The following BMPER variants were observed in gnomAD, a reference collection of about 807,000 sequenced individuals.
BMPER encodes BMP binding endothelial regulator.
A neutral mutation model predicts 87.3 loss-of-function variants in BMPER; 45 were observed. That is an observed-to-expected ratio of 0.52 (90% CI 0.41 to 0.66). The LOEUF (loss-of-function observed/expected upper bound fraction) is 0.66. Ranked by LOEUF, BMPER falls within the 30% of genes least tolerant of loss-of-function variation. BMPER has a pLI of 0.00. For synonymous variants in BMPER, 326 were observed against 316.2 expected (o/e 1.03, Z -0.33); for missense variants, 784 against 867.5 (o/e 0.90, Z 1.21).
At chr7:34,014,940 C>T (rs1786980186) in intron 6 of BMPER, among the ~76,000 whole-genome samples, 1 of 151,718 alleles carries the variant, frequency 6.6e-6, no homozygotes, top group Non-Finnish European at 1.5e-5. Flanking sequence ...GTTTTCTTAC[C>T]TGTAATATGC....
At chr7:34,059,742 T>TG (rs1249978101) in intron 10 of BMPER, among the ~76,000 whole-genome samples, 1 of 136,860 alleles carries the variant, frequency 7.3e-6, no homozygotes, top group Non-Finnish European at 1.6e-5. Flanking sequence ...GGGGAAATTT[T>TG]GGAAAAAAAA....
chr7:34,138,433 G>A (rs891526860), intron 13 of BMPER, among the ~76,000 whole-genome samples: 2 of 152,140 alleles, frequency 1.3e-5, no homozygotes, highest in Non-Finnish European at 2.9e-5. Context: ...GTGACAAAGC[G>A]CTGCCCAGCC....
intron 6 of BMPER, among the ~76,000 whole-genome samples, chr7:34,027,595 A>G (rs1327563943): frequency 2.6e-5 from 4 of 152,056 alleles, no homozygotes; most frequent in Non-Finnish European, 5.9e-5. Flanking sequence ...CCCAACCGCT[A>G]TTTTCATGGA....
Position 33,938,178 on chromosome 7 carries a change from A to G in BMPER, c.319+790A>G, listed in dbSNP as rs115751260. On this transcript the variant is annotated intron_variant, in intron 3 of 14. Coordinates refer to ENST00000649409, the MANE Select transcript of BMPER (RefSeq NM_001365308.1). The stretch of plus-strand genomic sequence containing the variant: ...GGGATTTCACACCGTGTATGTGTCA[A>G]TAGCGCTTCACAGTGTGGGGCCATG... Among the ~76,000 whole-genome samples the G allele has an allele frequency of 5.3e-3, 800 of 152,258 alleles. 6 individuals carry two copies. The highest frequency in any genetic ancestry group is 0.017 in the African/African-American group (695 of 41,538).
intron 6 of BMPER, among the ~76,000 whole-genome samples, chr7:34,019,024 C>G (rs1787111198): frequency 6.6e-6 from 1 of 151,850 alleles, no homozygotes; most frequent in South Asian, 2.1e-4. Flanking sequence ...CTGCAAGTTT[C>G]CAAAGGACTG....
At chr7:34,145,916 T>C (rs2127995405) in intron 14 of BMPER, among the ~76,000 whole-genome samples, 1 of 152,292 alleles carries the variant, frequency 6.6e-6, no homozygotes, top group Middle Eastern at 3.4e-3. Flanking sequence ...AAAAGGAATA[T>C]GGCTCCTGAA....
At chr7:33,960,850 A>G (rs962502913) in intron 3 of BMPER, among the ~76,000 whole-genome samples, 6 of 152,188 alleles carry the variant, frequency 3.9e-5, no homozygotes, top group Non-Finnish European at 8.8e-5. Context: ...TTTTTTACCA[A>G]TGAAATTAAG....
intron 6 of BMPER, among the ~76,000 whole-genome samples, chr7:34,031,404 A>T (rs1172028970): frequency 1.3e-5 from 2 of 152,146 alleles, no homozygotes; most frequent in Admixed American, 6.6e-5. Context: ...TGTTGAACTT[A>T]TATAAATATA....
chr7:33,965,555 C>T (rs936683285), intron 3 of BMPER, among the ~76,000 whole-genome samples: 12 of 152,190 alleles, frequency 7.9e-5, no homozygotes, highest in African/African-American at 2.9e-4. Flanking sequence ...TGCATTATCA[C>T]ATGTGTGTGT....
At chr7:33,986,574 T>G (rs1182022054) in intron 6 of BMPER, among the ~76,000 whole-genome samples, 2 of 152,140 alleles carry the variant, frequency 1.3e-5, no homozygotes, top group Non-Finnish European at 2.9e-5. Context: ...ACATGAAAGA[T>G]TCATGATAAA....
chr7:33,922,658 C>T (rs1391666298), intron 2 of BMPER, among the ~76,000 whole-genome samples: 1 of 152,134 alleles, frequency 6.6e-6, no homozygotes, highest in Non-Finnish European at 1.5e-5. Flanking sequence ...CTTGGACACC[C>T]CTCAGTGTGC....
intron 7 of BMPER, among the ~76,000 whole-genome samples, chr7:34,049,047 T>A: frequency 6.6e-6 from 1 of 152,182 alleles, no homozygotes; most frequent in African/African-American, 2.4e-5. Context: ...GATTGGGTGC[T>A]GTTTTGCTCT....
intron 3 of BMPER, among the ~76,000 whole-genome samples, chr7:33,943,701 A>G (rs1165634621): frequency 2.6e-5 from 4 of 152,206 alleles, no homozygotes; most frequent in Non-Finnish European, 4.4e-5. Flanking sequence ...GTAAAAGATG[A>G]TAGGGAAAGC....
chr7:33,915,631 C>T (rs1784073748), intron 2 of BMPER, among the ~76,000 whole-genome samples: 1 of 152,134 alleles, frequency 6.6e-6, no homozygotes, highest in Admixed American at 6.5e-5. Context: ...GGACAAGTCT[C>T]AGTGGTATAT....
intron 3 of BMPER, among the ~76,000 whole-genome samples, chr7:33,938,813 G>A (rs113680027): frequency 0.012 from 1,770 of 152,228 alleles, 34 homozygotes; most frequent in African/African-American, 0.041. Flanking sequence ...ATTACTTTAG[G>A]TCAGGAGTTC....
chr7:34,086,063 C>T lies in BMPER; in HGVS notation c.1716C>T (p.His572=), dbSNP rs774691043. ...KLKSWEFQTC[H]STVDYATFYR... is the part of the protein sequence containing the mutation. ...AATCCTGGGAGTTTCAGACCTGCCA[C>T]TCGACTGTGGACTACGCCACTTTCT... Residue 572 remains histidine (H), a synonymous_variant, in exon 13 of 15, where the codon CAC becomes CAT. Coordinates refer to ENST00000649409, the MANE Select transcript of BMPER (RefSeq NM_001365308.1). 1.2e-6 allele frequency: 2 copies of T among 1,613,996 alleles called. No homozygotes were observed. The highest frequency in any genetic ancestry group is 1.1e-5 in the South Asian group (1 of 91,072).
At chr7:33,981,788 C>T (rs1225631904) in intron 6 of BMPER, among the ~76,000 whole-genome samples, 2 of 152,162 alleles carry the variant, frequency 1.3e-5, no homozygotes, top group Non-Finnish European at 2.9e-5. Context: ...TGTGGATGAG[C>T]TCAGAAAGAA....
At chr7:33,968,169 AGTTGAT>A (rs1785450783) in intron 4 of BMPER, among the ~76,000 whole-genome samples, 1 of 152,168 alleles carries the variant, frequency 6.6e-6, no homozygotes, top group South Asian at 2.1e-4. Flanking sequence ...GGGAAGAGAA[AGTTGAT>A]GTTACCTACC....
intron 11 of BMPER, among the ~76,000 whole-genome samples, chr7:34,075,740 G>GA (rs1788848078): frequency 6.6e-6 from 1 of 152,142 alleles, no homozygotes; most frequent in South Asian, 2.1e-4. Context: ...GGGTCCACTG[G>GA]AAAAAATTAT....
Sources: gnomAD v4.1 joint callset for allele counts (sites outside exome capture counted in the v4.1 genomes callset) on GRCh38, gnomAD v4.1.1 for gene constraint, MANE v1.5 for transcripts, NCBI Gene and HGNC (gene_info 2026-07-23, HGNC 2026-07-21) for gene names.